MITF: variants seen among roughly 807,000 people sequenced by gnomAD.
MITF encodes microphthalmia-associated transcription factor.
A neutral mutation model predicts 60.5 loss-of-function variants in MITF; 17 were observed. That is an observed-to-expected ratio of 0.28 (90% CI 0.19 to 0.42). The LOEUF (loss-of-function observed/expected upper bound fraction) is 0.42. Among genes scored for constraint, MITF ranks in the 10% least tolerant of loss-of-function variants. MITF has a pLI of 1.00. For missense variants in MITF, 622 were observed against 683.5 expected, an observed-to-expected ratio of 0.91 and a Z score of 1.00; for synonymous variants, 260 against 248.5, an observed-to-expected ratio of 1.05 and a Z score of -0.43.
At chr3:69,826,938 T>C (rs2063364348) in intron 1 of MITF, among the ~76,000 whole-genome samples, 1 of 152,182 alleles carries the variant, frequency 6.6e-6, no homozygotes, top group Admixed American at 6.5e-5. Flanking sequence ...TCCTTTCCCT[T>C]CCTCTCTGCC....
chr3:69,944,514 TC>T (rs1487984976), intron 5 of MITF, among the ~76,000 whole-genome samples: 2 of 152,104 alleles, frequency 1.3e-5, no homozygotes, highest in Non-Finnish European at 2.9e-5. Flanking sequence ...CTCTTCTTTA[TC>T]CCCATACTGG....
chr3:69,878,890 A>T (rs990983779), intron 1 of MITF, among the ~76,000 whole-genome samples: 1 of 152,064 alleles, frequency 6.6e-6, no homozygotes, highest in Non-Finnish European at 1.5e-5. Context: ...AAAAAAAATT[A>T]AAAAAATTAA....
intron 5 of MITF, among the ~76,000 whole-genome samples, chr3:69,941,670 G>A (rs140801826): frequency 1.3e-5 from 2 of 152,074 alleles, no homozygotes; most frequent in Admixed American, 6.6e-5. Flanking sequence ...ATTCACAGTG[G>A]TGCTCTAGTT....
At chr3:69,910,797 T>G (rs1021713563) in intron 2 of MITF, among the ~76,000 whole-genome samples, 7 of 152,164 alleles carry the variant, frequency 4.6e-5, no homozygotes, top group African/African-American at 1.7e-4. Context: ...AGCTAGGAAG[T>G]AAGTAGATTG....
intron 9 of MITF, 74 bp downstream of exon 9, chr3:69,959,494 G>A (rs374086320): frequency 1.3e-6 from 2 of 1,566,048 alleles, no homozygotes; most frequent in South Asian, 1.1e-5. Flanking sequence ...GATATAATGA[G>A]CCATAGGGGA....
intron 1 of MITF, among the ~76,000 whole-genome samples, chr3:69,855,543 G>A (rs950054241): frequency 6.6e-6 from 1 of 151,638 alleles, no homozygotes; most frequent in Non-Finnish European, 1.5e-5. Flanking sequence ...CAGCTCTCCC[G>A]TAACTTTGTG....
At chr3:69,951,959 T>C in intron 7 of MITF, 73 bp downstream of exon 7, 1 of 1,156,318 alleles carries the variant, frequency 8.6e-7, no homozygotes, top group Non-Finnish European at 1.3e-6. Flanking sequence ...TTTCCAGAAA[T>C]TCTGTAGAGG....
intron 1 of MITF, among the ~76,000 whole-genome samples, chr3:69,810,636 T>C (rs1396890801): frequency 2.6e-5 from 4 of 152,214 alleles, no homozygotes; most frequent in Non-Finnish European, 5.9e-5. Flanking sequence ...TTGCTTTAAG[T>C]CTACTAGTCT....
At chr3:69,819,818 A>G (rs184832557) in intron 1 of MITF, among the ~76,000 whole-genome samples, 79 of 152,180 alleles carry the variant, frequency 5.2e-4, no homozygotes, top group African/African-American at 1.9e-3. Context: ...GTACAAAAAA[A>G]GCTGGGAGTG....
At chr3:69,860,751 T>C (rs2107210671) in intron 1 of MITF, among the ~76,000 whole-genome samples, 1 of 152,354 alleles carries the variant, frequency 6.6e-6, no homozygotes, top group African/African-American at 2.4e-5. Context: ...ATCTTAACCA[T>C]TCTTTAATAA....
chr3:69,853,138 G>A (rs957069798), intron 1 of MITF, among the ~76,000 whole-genome samples: 11 of 152,126 alleles, frequency 7.2e-5, no homozygotes, highest in African/African-American at 2.7e-4. Context: ...TTATCTAGTA[G>A]TAGGTGTATA....
chr3:69,879,505 T>TC, intron 2 of MITF, 122 bp downstream of exon 2: 2 of 1,502,508 alleles, frequency 1.3e-6, no homozygotes, highest in South Asian at 1.2e-5. Flanking sequence ...ATTTGAAAAC[T>TC]CCAACTCCCT....
chr3:69,812,727 TTTTC>T (rs1285134100), intron 1 of MITF, among the ~76,000 whole-genome samples: 1 of 152,248 alleles, frequency 6.6e-6, no homozygotes, highest in East Asian at 1.9e-4. Flanking sequence ...AAGTTACTGA[TTTTC>T]TTTCTTTGCA....
chr3:69,842,502 A>C (rs1426310742), intron 1 of MITF, among the ~76,000 whole-genome samples: 2 of 152,172 alleles, frequency 1.3e-5, no homozygotes, highest in Non-Finnish European at 2.9e-5. Flanking sequence ...GCTTATCTGA[A>C]ACTGGATCAA....
In MITF at chr3:69,951,815, G is replaced by A; in HGVS notation, c.884G>A (p.Cys295Tyr). 1.2e-6 allele frequency: 2 copies of A among 1,613,186 alleles called. No homozygotes were observed. Among genetic ancestry groups the A allele is most frequent in the Non-Finnish European group, 8.5e-7 (1 of 1,179,372 alleles). ...ATGACTTCATTCACGTGCACAGCGT[G>A]TATTTTTCCCACAGAGTCTGAAGCA... is the stretch of plus-strand genomic sequence containing the variant. ...LPNIKRELTA[C>Y]IFPTESEARA... Residue 295 changes from cysteine to tyrosine, a missense_variant, in exon 7 of 10, where the codon TGT becomes TAT. By Grantham distance (194) the Cys-to-Tyr change is radical. Coordinates refer to ENST00000352241, the MANE Select transcript of MITF (RefSeq NM_001354604.2).
intron 2 of MITF, among the ~76,000 whole-genome samples, chr3:69,885,007 A>G (rs2064577561): frequency 6.6e-6 from 1 of 152,116 alleles, no homozygotes; most frequent in African/African-American, 2.4e-5. Context: ...CAGAATGGAA[A>G]TGATTTCTCC....
intron 1 of MITF, among the ~76,000 whole-genome samples, chr3:69,867,686 A>G (rs1218068325): frequency 1.3e-5 from 2 of 150,618 alleles, no homozygotes; most frequent in East Asian, 1.9e-4. Context: ...CTCTACAAAA[A>G]TATACTCTAA....
chr3:69,907,815 G>A (rs1001125393), intron 2 of MITF, among the ~76,000 whole-genome samples: 2 of 152,130 alleles, frequency 1.3e-5, no homozygotes, highest in Non-Finnish European at 2.9e-5. Flanking sequence ...CACAGTAATT[G>A]CTCTTGAGAA....
In MITF at chr3:69,964,872, A is replaced by G; in HGVS notation, c.1205A>G (p.His402Arg). Residue 402 changes from histidine (H) to arginine (R), a missense_variant, in exon 10 of 10, where the codon CAT becomes CGT. Physicochemically the swap from His to Arg is conservative, Grantham distance 29. This residue lies in a region of MITF where 224 missense variants were observed against 209.5 expected (regional missense o/e 1.07). Coordinates refer to ENST00000352241, the MANE Select transcript of MITF (RefSeq NM_001354604.2). The stretch of plus-strand genomic sequence containing the variant: ...GAACTTGAAATGCAGGCTCGAGCTC[A>G]TGGACTTTCCCTTATTCCATCCACG... ...IQELEMQARAHGLSLIPSTGL... is the reference protein window; with the variant it reads ...IQELEMQARARGLSLIPSTGL... 6.2e-7 allele frequency: 1 copy of G among 1,614,118 alleles called. No homozygotes were observed. Among genetic ancestry groups the G allele is most frequent in the East Asian group, 2.2e-5 (1 of 44,864 alleles).
Sources: allele counts gnomAD v4.1 joint callset (sites outside exome capture counted in the v4.1 genomes callset), GRCh38; gene constraint gnomAD v4.1.1; regional missense constraint gnomAD v4.1.1; transcripts MANE v1.5; gene names NCBI Gene and HGNC (gene_info 2026-07-23, HGNC 2026-07-21).